BCKDHB: variants seen among roughly 807,000 people sequenced by gnomAD.
The protein encoded by BCKDHB is 2-oxoisovalerate dehydrogenase subunit beta, mitochondrial.
A neutral mutation model predicts 48.5 loss-of-function variants in BCKDHB; 41 were observed. The ratio of observed to expected loss-of-function variants is 0.85; its 90% CI spans 0.66 to 1.10. The LOEUF is 1.10. Ranked by LOEUF, BCKDHB falls within the 50% of genes least tolerant of loss-of-function variation. BCKDHB has a pLI of 0.00. For missense variants in BCKDHB, 496 were observed against 494.2 expected (o/e 1.00, Z -0.03); for synonymous variants, 201 against 174.8 (o/e 1.15, Z -1.18).
At chr6:80,182,084 G>A (rs1188355251) in intron 6 of BCKDHB, among the ~76,000 whole-genome samples, 1 of 152,106 alleles carries the variant, frequency 6.6e-6, no homozygotes, top group African/African-American at 2.4e-5. Context: ...TCTATGAAGT[G>A]GTCAAGTAGA....
the BCKDHB span, among the ~76,000 whole-genome samples, chr6:80,400,326 A>T: frequency 6.6e-6 from 1 of 152,114 alleles, no homozygotes; most frequent in Non-Finnish European, 1.5e-5. Flanking sequence ...TATGCATCTG[A>T]CAAAGGTCTA....
intron 8 of BCKDHB, among the ~76,000 whole-genome samples, chr6:80,261,687 C>T (rs1291132632): frequency 6.6e-6 from 1 of 152,044 alleles, no homozygotes; most frequent in Non-Finnish European, 1.5e-5. Context: ...CTTTCTTACC[C>T]AGCCTTATTA....
intron 8 of BCKDHB, among the ~76,000 whole-genome samples, chr6:80,255,885 T>C (rs777638821): frequency 4.6e-5 from 7 of 152,230 alleles, no homozygotes; most frequent in Admixed American, 1.3e-4. Flanking sequence ...AAAGTTCTTT[T>C]TGAACAACTG....
At chr6:80,460,607 A>T in the BCKDHB span, among the ~76,000 whole-genome samples, 75 of 152,278 alleles carry the variant, frequency 4.9e-4, no homozygotes, top group Middle Eastern at 3.4e-3. Context: ...AAAACATTGA[A>T]GTTGAAGAGA....
the BCKDHB span, among the ~76,000 whole-genome samples, chr6:80,393,656 A>G: frequency 6.6e-6 from 1 of 152,178 alleles, no homozygotes; most frequent in South Asian, 2.1e-4. Flanking sequence ...ACAACACCCC[A>G]TCAGCAAGCC....
the BCKDHB span, among the ~76,000 whole-genome samples, chr6:80,355,215 C>T: frequency 6.6e-6 from 1 of 151,900 alleles, no homozygotes; most frequent in Non-Finnish European, 1.5e-5. Flanking sequence ...GCCTGGCCAA[C>T]ATGGTGAAAC....
At chr6:80,260,539 C>A (rs1419870388) in intron 8 of BCKDHB, among the ~76,000 whole-genome samples, 1 of 152,126 alleles carries the variant, frequency 6.6e-6, no homozygotes, top group South Asian at 2.1e-4. Context: ...CCATAGAATC[C>A]TTTTTCCTGC....
At position 80,273,150 on chromosome 6, in the gene BCKDHB, G is replaced by C. The variant is rs1470605270; in HGVS notation, c.967G>C (p.Gly323Arg). 6.2e-7 allele frequency: 1 copy of C among 1,613,202 alleles called. No individual in the cohort carries two copies. Among genetic ancestry groups the C allele is most frequent in the East Asian group, 2.2e-5 (1 of 44,836 alleles). The change falls in exon 9 of 10, where the codon GGG (glycine) becomes CGG (arginine). Residue 323 changes from glycine (G) to arginine (R), a missense_variant. Physicochemically the swap from Gly to Arg is moderately radical, Grantham distance 125. Coordinates refer to ENST00000320393, the MANE Select transcript of BCKDHB (RefSeq NM_183050.4). ...TCTCTTTCAGTCTGTGATCAAAACA[G>C]GGCGACTGCTAATCAGTCACGAGGC... ...DTICKSVIKT[G>R]RLLISHEAPL...
the BCKDHB span, among the ~76,000 whole-genome samples, chr6:80,381,540 G>A: frequency 6.6e-6 from 1 of 151,970 alleles, no homozygotes; most frequent in Non-Finnish European, 1.5e-5. Flanking sequence ...CAGGTGATGA[G>A]GTCAGCAGGT....
At chr6:80,407,801 C>G in the BCKDHB span, among the ~76,000 whole-genome samples, 1 of 152,170 alleles carries the variant, frequency 6.6e-6, no homozygotes, top group Non-Finnish European at 1.5e-5. Flanking sequence ...CATCTGCAAA[C>G]AGGGACAATT....
chr6:80,376,376 C>G, the BCKDHB span, among the ~76,000 whole-genome samples: 10 of 152,106 alleles, frequency 6.6e-5, no homozygotes, highest in African/African-American at 2.2e-4. Flanking sequence ...CCCCCAGCAG[C>G]ACCAAGTTTA....
intron 6 of BCKDHB, among the ~76,000 whole-genome samples, chr6:80,191,357 G>A (rs772202303): frequency 2.4e-4 from 36 of 152,162 alleles, no homozygotes; most frequent in Non-Finnish European, 3.8e-4. Context: ...TAGGAAGTCA[G>A]TGGACACAGC....
intron 8 of BCKDHB, among the ~76,000 whole-genome samples, chr6:80,264,875 CAG>C (rs776954655): frequency 6.6e-6 from 1 of 151,858 alleles, no homozygotes; most frequent in Non-Finnish European, 1.5e-5. Context: ...AAACATAAAA[CAG>C]GGGGATTAAA....
chr6:80,403,680 A>C, the BCKDHB span, among the ~76,000 whole-genome samples: 1 of 151,838 alleles, frequency 6.6e-6, no homozygotes, highest in African/African-American at 2.4e-5. Flanking sequence ...AAGCTTTCAA[A>C]TTTTCACCTT....
At chr6:80,139,708 C>T (rs1375817238) in intron 3 of BCKDHB, among the ~76,000 whole-genome samples, 1 of 151,980 alleles carries the variant, frequency 6.6e-6, no homozygotes, top group Non-Finnish European at 1.5e-5. Flanking sequence ...TTACTGTAGC[C>T]TTGTAGTATA....
the BCKDHB span, chr6:80,356,491 A>T: frequency 6.6e-6 from 1 of 152,190 alleles, no homozygotes; most frequent in Non-Finnish European, 1.5e-5. Context: ...TGGTCATTAC[A>T]TACTTTTAAG....
intron 9 of BCKDHB, among the ~76,000 whole-genome samples, chr6:80,294,992 C>G (rs1413604583): frequency 1.3e-5 from 2 of 152,088 alleles, no homozygotes; most frequent in African/African-American, 4.8e-5. Flanking sequence ...TTTTACACCC[C>G]CTCCCCTTTT....
At chr6:80,410,766 T>C in the BCKDHB span, among the ~76,000 whole-genome samples, 1 of 152,196 alleles carries the variant, frequency 6.6e-6, no homozygotes, top group African/African-American at 2.4e-5. Flanking sequence ...CATCATGAAG[T>C]TCTCTTGCTG....
chr6:80,220,808 C>G (rs893831133), intron 8 of BCKDHB, among the ~76,000 whole-genome samples: 1 of 146,454 alleles, frequency 6.8e-6, no homozygotes, highest in African/African-American at 2.6e-5. Context: ...AATCTCTACT[C>G]ACTGCAATCT....
Sources: gnomAD v4.1 joint callset for allele counts (sites outside exome capture counted in the v4.1 genomes callset) on GRCh38, gnomAD v4.1.1 for gene constraint, MANE v1.5 for transcripts, NCBI Gene and HGNC (gene_info 2026-07-23, HGNC 2026-07-21) for gene names.